NFATC3: variants seen among roughly 807,000 people sequenced by gnomAD.
The protein encoded by NFATC3 is nuclear factor of activated T-cells, cytoplasmic 3.
NFATC3 carries 46 observed loss-of-function variants against 98.6 expected under a neutral mutation model. That is an observed-to-expected ratio of 0.47 (90% CI 0.37 to 0.60). NFATC3 has a LOEUF of 0.60. NFATC3 is among the 20% of genes least tolerant of loss of function. The probability of loss-of-function intolerance (pLI) is 0.00; values close to 1 mark genes in which losing one functional copy is unlikely to be tolerated. For synonymous variants in NFATC3, 512 were observed against 472.2 expected, an observed-to-expected ratio of 1.08 and a Z score of -1.09; for missense variants, 1,256 against 1,295.5, an observed-to-expected ratio of 0.97 and a Z score of 0.47.
intron 1 of NFATC3, among the ~76,000 whole-genome samples, chr16:68,095,347 AT>A (rs35343240): frequency 3.8e-3 from 397 of 103,806 alleles, no homozygotes; most frequent in South Asian, 9.4e-3. Context: ...TGCCCAGCTA[AT>A]TTTTTTTTTT....
chr16:68,221,264 A>C (rs1382865206), intron 9 of NFATC3: 2 of 1,614,156 alleles, frequency 1.2e-6, no homozygotes, highest in Non-Finnish European at 1.7e-6. Context: ...CCCAGCAGGA[A>C]GATATCTGAG....
In NFATC3 at chr16:68,164,159, G is replaced by A. The variant is rs573560378; in HGVS notation, c.1602-2684G>A. 3.3e-5 allele frequency among the ~76,000 whole-genome samples: 5 copies of A among 152,364 alleles called. No homozygotes were observed. The South Asian group carries it at 1.0e-3, about 32-fold the overall frequency. ...CTCCGTCTGCAATCCCAGCACCTCG[G>A]GAGGCCGAGGCTGGCGGATCACTCG... On this transcript the variant is annotated intron_variant, in intron 4 of 9. Coordinates refer to ENST00000346183, the MANE Select transcript of NFATC3 (RefSeq NM_173165.3).
intron 1 of NFATC3, among the ~76,000 whole-genome samples, chr16:68,117,878 G>A (rs891269209): frequency 1.3e-5 from 2 of 152,144 alleles, no homozygotes; most frequent in African/African-American, 4.8e-5. Context: ...TTACTTGGTA[G>A]GTACTGGAGA....
chr16:68,201,285 C>T (rs2040899605), intron 9 of NFATC3, among the ~76,000 whole-genome samples: 1 of 151,958 alleles, frequency 6.6e-6, no homozygotes, highest in African/African-American at 2.4e-5. Context: ...GGCTGGAGTG[C>T]AGTGGCGTGA....
At chr16:68,193,476 G>C (rs1032818849) in intron 9 of NFATC3, among the ~76,000 whole-genome samples, 2 of 152,048 alleles carry the variant, frequency 1.3e-5, no homozygotes, top group Admixed American at 1.3e-4. Context: ...ACCAGCCTGG[G>C]CAACATAATG....
intron 6 of NFATC3, among the ~76,000 whole-genome samples, chr16:68,177,242 G>T (rs191056626): frequency 6.6e-5 from 10 of 151,884 alleles, no homozygotes; most frequent in Admixed American, 6.6e-4. Flanking sequence ...ATAGAGATGG[G>T]GTTTCACCAT....
At chr16:68,181,432 C>T in intron 6 of NFATC3, 43 bp from the exon 7 acceptor site, 1 of 1,447,372 alleles carries the variant, frequency 6.9e-7, no homozygotes, top group Non-Finnish European at 9.7e-7. Context: ...TGTATGCTTT[C>T]TGATATGAAT....
intron 1 of NFATC3, among the ~76,000 whole-genome samples, chr16:68,102,116 A>G (rs2035396243): frequency 6.6e-6 from 1 of 152,108 alleles, no homozygotes; most frequent in African/African-American, 2.4e-5. Flanking sequence ...TCACGCCTGT[A>G]ATCCCAGCAC....
intron 1 of NFATC3, among the ~76,000 whole-genome samples, chr16:68,087,616 A>G (rs2034460035): frequency 1.3e-5 from 2 of 152,166 alleles, no homozygotes; most frequent in Non-Finnish European, 2.9e-5. Context: ...GAGTGCATTC[A>G]GTGTTGTGCA....
At chr16:68,147,388 A>G (rs956542788) in intron 3 of NFATC3, among the ~76,000 whole-genome samples, 9 of 152,180 alleles carry the variant, frequency 5.9e-5, no homozygotes, top group African/African-American at 1.9e-4. Context: ...CAAATTGCCT[A>G]CAGTTCTTTT....
Position 68,167,810 on chromosome 16 carries a change from C to CTTTTTTTTTTTTTTTTTTTTT in NFATC3, c.1774+814_1774+834dup, listed in dbSNP as rs35302776. ...TTTATATCTGTTAACCGTATGTGTT[C>CTTTTTTTTTTTTTTTTTTTTT]TTTTTTTTTTTTTTTTTTTTTTTTT... On this transcript the variant is annotated intron_variant, in intron 5 of 9. Coordinates refer to ENST00000346183, the MANE Select transcript of NFATC3 (RefSeq NM_173165.3). 2.1e-4 allele frequency among the ~76,000 whole-genome samples: 5 copies of CTTTTTTTTTTTTTTTTTTTTT among 23,920 alleles called. 1 individual carries two copies. Among genetic ancestry groups the CTTTTTTTTTTTTTTTTTTTTT allele is most frequent in the African/African-American group, 2.8e-4 (3 of 10,548 alleles). 15.7% of individuals were successfully genotyped at this position (23,920 alleles called of 152,430 possible).
intron 9 of NFATC3, among the ~76,000 whole-genome samples, chr16:68,194,038 C>A (rs965748777): frequency 6.6e-6 from 1 of 152,132 alleles, no homozygotes; most frequent in African/African-American, 2.4e-5. Flanking sequence ...TAGAGCAACA[C>A]CTAAAATTGC....
chr16:68,119,237 A>G (rs755999354), intron 1 of NFATC3, among the ~76,000 whole-genome samples: 1 of 152,164 alleles, frequency 6.6e-6, no homozygotes, highest in Non-Finnish European at 1.5e-5. Context: ...TTTCACATCC[A>G]GTCAACAAGT....
At chr16:68,107,374 A>G (rs557921753) in intron 1 of NFATC3, among the ~76,000 whole-genome samples, 99 of 152,316 alleles carry the variant, frequency 6.5e-4, no homozygotes, top group South Asian at 1.7e-3. Flanking sequence ...CCAAGAGTAT[A>G]AAAGCCTTTC....
chr16:68,150,040 G>A (rs2038232239), intron 3 of NFATC3, among the ~76,000 whole-genome samples: 1 of 152,064 alleles, frequency 6.6e-6, no homozygotes, highest in African/African-American at 2.4e-5. Context: ...TTGGAATTAC[G>A]ATTTGTCATC....
rs2039270483 is a variant in NFATC3 at position 68,167,809 on chromosome 16, T to TC, written c.1774+795dup. ...TTTTATATCTGTTAACCGTATGTGT[T>TC]CTTTTTTTTTTTTTTTTTTTTTTTT... is the stretch of plus-strand genomic sequence containing the variant. On this transcript the variant is annotated intron_variant, in intron 5 of 9. Transcript: ENST00000346183. Among the ~76,000 whole-genome samples, 3 of 119,400 alleles carry TC rather than the reference T, an allele frequency of 2.5e-5. No homozygotes were observed. The East Asian group carries it at 6.9e-4, about 28-fold the overall frequency. 78.3% of individuals were successfully genotyped at this position (119,400 alleles called of 152,430 possible). A position where few individuals can be genotyped will look rare whatever the true frequency, so the allele number is the denominator to read the frequency against.
At chr16:68,109,774 T>G (rs542982999) in intron 1 of NFATC3, among the ~76,000 whole-genome samples, 1 of 152,254 alleles carries the variant, frequency 6.6e-6, no homozygotes, top group African/African-American at 2.4e-5. Context: ...TCTGTTCAGG[T>G]ATTCAGCTTC....
chr16:68,181,747 T>C (rs1388526353), intron 7 of NFATC3, among the ~76,000 whole-genome samples: 1 of 152,030 alleles, frequency 6.6e-6, no homozygotes, highest in Admixed American at 6.6e-5. Flanking sequence ...CCGAGCAACA[T>C]GGTAAAACCC....
At chr16:68,127,100 C>T (rs1020714435) in intron 3 of NFATC3, among the ~76,000 whole-genome samples, 12 of 152,084 alleles carry the variant, frequency 7.9e-5, no homozygotes, top group African/African-American at 2.7e-4. Flanking sequence ...GTAATCCCAG[C>T]TCTGCGGCAG....
Sources: gnomAD v4.1 joint callset for allele counts (sites outside exome capture counted in the v4.1 genomes callset) on GRCh38, gnomAD v4.1.1 for gene constraint, MANE v1.5 for transcripts, NCBI Gene and HGNC (gene_info 2026-07-23, HGNC 2026-07-21) for gene names.